The following PTPN12 variants were observed in gnomAD, a reference collection of about 807,000 sequenced individuals.
PTPN12 encodes tyrosine-protein phosphatase non-receptor type 12.
In PTPN12, 29 loss-of-function variants were observed where a neutral mutation model predicts 97.6. The observed-to-expected ratio is 0.30, with a 90% CI of 0.22 to 0.41. PTPN12 has a LOEUF of 0.41. Among genes scored for constraint, PTPN12 ranks in the 10% least tolerant of loss-of-function variants. PTPN12 has a pLI of 1.00. For synonymous variants in PTPN12, 327 were observed against 300.4 expected (o/e 1.09, Z -0.91); for missense variants, 819 against 926.0 (o/e 0.88, Z 1.50).
intron 11 of PTPN12, among the ~76,000 whole-genome samples, chr7:77,611,929 A>G (rs1202053029): frequency 4.6e-5 from 7 of 150,578 alleles, no homozygotes; most frequent in Admixed American, 2.0e-4. Context: ...TTTCTAACCA[A>G]TTGTCTTGCT....
At chr7:77,622,613 C>CA (rs987303843) in intron 12 of PTPN12, among the ~76,000 whole-genome samples, 1 of 151,146 alleles carries the variant, frequency 6.6e-6, no homozygotes, top group Non-Finnish European at 1.5e-5. Flanking sequence ...ACTAAAAATA[C>CA]AAAAAAAATT....
At chr7:77,622,416 T>C (rs1788972412) in intron 12 of PTPN12, among the ~76,000 whole-genome samples, 1 of 152,134 alleles carries the variant, frequency 6.6e-6, no homozygotes, top group Non-Finnish European at 1.5e-5. Context: ...TTCTCAGTCA[T>C]TGGGAAATGC....
chr7:77,637,063 T>G lies in PTPN12; in HGVS notation c.2173+15T>G, dbSNP rs1341240040. On this transcript the variant is annotated intron_variant, in intron 16 of 17. Coordinates refer to ENST00000248594, the MANE Select transcript of PTPN12 (RefSeq NM_002835.4). ...TGAGAAATGTGGTAAGTTGTTAGAT[T>G]TTTTTTTTCCTTTTTACTGTAGATT... is the stretch of plus-strand genomic sequence containing the variant. The G allele has an allele frequency of 1.3e-6, 2 of 1,598,810 alleles. No individual in the cohort carries two copies. Among genetic ancestry groups the G allele is most frequent in the Non-Finnish European group, 1.7e-6 (2 of 1,168,778 alleles).
chr7:77,602,526 A>G (rs1409820904), intron 8 of PTPN12, among the ~76,000 whole-genome samples: 2 of 152,222 alleles, frequency 1.3e-5, no homozygotes, highest in East Asian at 3.9e-4. Flanking sequence ...AGGCCGAGGC[A>G]GGATGATTGC....
chr7:77,636,880 C>T (rs1335004594), intron 15 of PTPN12, 138 bp from the exon 16 acceptor site: 3 of 594,934 alleles, frequency 5.0e-6, no homozygotes, highest in Non-Finnish European at 8.6e-6. Flanking sequence ...AATTAAAAAA[C>T]AATTGTTTGC....
chr7:77,597,027 T>G (rs1169555027), intron 6 of PTPN12, among the ~76,000 whole-genome samples: 1 of 152,184 alleles, frequency 6.6e-6, no homozygotes, highest in Non-Finnish European at 1.5e-5. Context: ...GCTCCACCTA[T>G]TCATTCATCT....
At chr7:77,610,434 AT>A (rs1178588938) in intron 9 of PTPN12, among the ~76,000 whole-genome samples, 2 of 152,156 alleles carry the variant, frequency 1.3e-5, no homozygotes, top group African/African-American at 4.8e-5. Flanking sequence ...GCTTATGTAT[AT>A]TTCCTTCACT....
chr7:77,624,389 A>G (rs781156894), intron 12 of PTPN12, among the ~76,000 whole-genome samples: 1 of 152,068 alleles, frequency 6.6e-6, no homozygotes, highest in Non-Finnish European at 1.5e-5. Flanking sequence ...CTCATGTCCT[A>G]GGAATGTGGG....
At chr7:77,567,214 G>A (rs75153986) in intron 1 of PTPN12, among the ~76,000 whole-genome samples, 1,821 of 148,954 alleles carry the variant, frequency 0.012, 45 homozygotes, top group African/African-American at 0.043. Context: ...AAAAAAACCT[G>A]CTCTAGGCCA....
intron 12 of PTPN12, among the ~76,000 whole-genome samples, chr7:77,622,854 A>G (rs1261127060): frequency 6.6e-6 from 1 of 152,098 alleles, no homozygotes; most frequent in African/African-American, 2.4e-5. Context: ...TCCATTTTCC[A>G]ATAAAATTTC....
At chr7:77,578,036 T>A (rs148440164) in intron 2 of PTPN12, among the ~76,000 whole-genome samples, 1 of 152,276 alleles carries the variant, frequency 6.6e-6, no homozygotes, top group East Asian at 1.9e-4. Flanking sequence ...AAAAAAGAAA[T>A]TACCAGCCTG....
At chr7:77,615,448 CAA>C (rs140138506) in intron 11 of PTPN12, among the ~76,000 whole-genome samples, 3,104 of 152,172 alleles carry the variant, frequency 0.02, 101 homozygotes, top group African/African-American at 0.07. Context: ...CTGTTTAAAA[CAA>C]GAGAACACAG....
At chr7:77,633,989 T>C in intron 14 of PTPN12, among the ~76,000 whole-genome samples, 1 of 151,456 alleles carries the variant, frequency 6.6e-6, no homozygotes, top group East Asian at 2.0e-4. Context: ...CGCCATTGCA[T>C]TCCAGCCTGG....
chr7:77,545,496 CAT>C (rs1185008199), intron 1 of PTPN12, among the ~76,000 whole-genome samples: 1 of 151,990 alleles, frequency 6.6e-6, no homozygotes. Context: ...CAATTCAAAA[CAT>C]ATGATCCAAG....
At chr7:77,551,117 G>T (rs1037028176) in intron 1 of PTPN12, among the ~76,000 whole-genome samples, 1 of 152,132 alleles carries the variant, frequency 6.6e-6, no homozygotes, top group African/African-American at 2.4e-5. Flanking sequence ...CTGGGGTGCA[G>T]GGGCATGATC....
At chr7:77,592,822 AG>A (rs1787908665) in intron 6 of PTPN12, among the ~76,000 whole-genome samples, 1 of 152,208 alleles carries the variant, frequency 6.6e-6, no homozygotes, top group South Asian at 2.1e-4. Flanking sequence ...CAAAAATCTG[AG>A]AAAATGAATA....
chr7:77,537,609 C>T lies in PTPN12; in HGVS notation c.63C>T (p.Asp21=). 6.2e-7 allele frequency: 1 copy of T among 1,604,932 alleles called. No individual in the cohort carries two copies. Among genetic ancestry groups the T allele is most frequent in the Non-Finnish European group, 8.5e-7 (1 of 1,176,538 alleles). The change falls in exon 1 of 18, where the codon GAC becomes GAT. Residue 21 remains aspartate, a synonymous_variant. Coordinates refer to ENST00000248594, the MANE Select transcript of PTPN12 (RefSeq NM_002835.4). ...GGGTCCAGGCCATGAAGAGTCCTGA[C>T]CACAATGGGGAGGACAACTTCGCCC... ...IQRVQAMKSP[D]HNGEDNFARD...
chr7:77,537,998 TC>T (rs1308344273), intron 1 of PTPN12: 2 of 1,031,470 alleles, frequency 1.9e-6, no homozygotes, highest in African/African-American at 3.5e-5. Flanking sequence ...GGCTCGCGTT[TC>T]CACACCTCCC....
intron 7 of PTPN12, among the ~76,000 whole-genome samples, chr7:77,599,087 A>T (rs533551953): frequency 6.6e-6 from 1 of 151,658 alleles, no homozygotes; most frequent in African/African-American, 2.4e-5. Flanking sequence ...CACATTACAT[A>T]AAAAGTAATA....
Sources: allele counts gnomAD v4.1 joint callset (sites outside exome capture counted in the v4.1 genomes callset), GRCh38; gene constraint gnomAD v4.1.1; transcripts MANE v1.5; gene names NCBI Gene and HGNC (gene_info 2026-07-23, HGNC 2026-07-21).